DUSP15: variants seen among roughly 807,000 people sequenced by gnomAD.
DUSP15 encodes the protein dual specificity phosphatase 15, also known as dual specificity protein phosphatase 15.
DUSP15 carries 23 observed loss-of-function variants against 26.3 expected under a neutral mutation model. The ratio of observed to expected loss-of-function variants is 0.87; its 90% CI spans 0.63 to 1.24. The LOEUF is 1.24. Among genes scored for constraint, DUSP15 ranks in the 50% most tolerant of loss-of-function variants. DUSP15 has a pLI of 0.00. For synonymous variants in DUSP15, 143 were observed against 135.5 expected (o/e 1.06, Z -0.39); for missense variants, 364 against 320.6 (o/e 1.14, Z -1.03).
At chr20:31,867,454 T>A (rs2062792737) in intron 2 of DUSP15, among the ~76,000 whole-genome samples, 1 of 152,166 alleles carries the variant, frequency 6.6e-6, no homozygotes, top group African/African-American at 2.4e-5. Flanking sequence ...CACAGAAAGC[T>A]GTGTGTGGAG....
At chr20:31,845,598 C>T (rs1237916560), downstream of DUSP15, 3 of 1,588,180 alleles carry the variant, frequency 1.9e-6, no homozygotes, top group Non-Finnish European at 2.6e-6. Flanking sequence ...GCTTCCAGGG[C>T]TGGCGTCCGG....
At chr20:31,864,186 TGA>T (rs2062720367) in intron 4 of DUSP15, 1 of 1,375,688 alleles carries the variant, frequency 7.3e-7, no homozygotes, top group Admixed American at 2.8e-5. Context: ...TTTCAGGCAG[TGA>T]GAGAGACCAG....
In DUSP15 at chr20:31,867,641, T is replaced by TG. The variant is rs2062800752; in HGVS notation, c.56-489_56-488insC. Among the ~76,000 whole-genome samples, 49 of 45,184 alleles carry TG rather than the reference T, an allele frequency of 1.1e-3. 1 individual carries two copies. Among genetic ancestry groups the TG allele is most frequent in the African/African-American group, 3.5e-3 (39 of 11,250 alleles). The allele number at this position is 45,184 out of a possible 152,430, so 29.6% of individuals were successfully genotyped here. ...AATGATGCCCACAATGTTTTTTTTT[T>TG]TTTTTTTTTTTTTTTTTTTTTGAGA... On this transcript the variant is annotated intron_variant, in intron 2 of 6. Transcript: ENST00000339738.
chr20:31,859,022 T>A (rs73903666), downstream of DUSP15, among the ~76,000 whole-genome samples: 2,806 of 152,304 alleles, frequency 0.018, 85 homozygotes, highest in African/African-American at 0.063. Context: ...TTTCCTGCAG[T>A]GTCTCAATTG....
exon 8 of DUSP15, chr20:31,849,738 C>T: frequency 2.6e-6 from 4 of 1,539,838 alleles, no homozygotes; most frequent in Non-Finnish European, 3.5e-6. Flanking sequence ...GGAAGCGAAC[C>T]TGCTGCAACG....
chr20:31,864,290 G>A (rs924453208), intron 4 of DUSP15: 1 of 1,128,816 alleles, frequency 8.9e-7, no homozygotes, highest in East Asian at 6.2e-5. Context: ...AGAAATGGGT[G>A]GGAGGAAACA....
Position 31,861,158 on chromosome 20 carries a change from G to T in DUSP15, c.*245C>A. 1 of 1,317,464 alleles carries T rather than the reference G, an allele frequency of 7.6e-7. No individual in the cohort carries two copies. The highest frequency in any genetic ancestry group is 9.6e-7 in the Non-Finnish European group (1 of 1,038,632). 81.6% of individuals were successfully genotyped at this position (1,317,464 alleles called of 1,614,324 possible). A position where few individuals can be genotyped will look rare whatever the true frequency, so the allele number is the denominator to read the frequency against. On this transcript the variant is annotated 3_prime_UTR_variant, in exon 7 of 7. Transcript: ENST00000339738. ...CTCCCCTCCCGCCGCCTTTAAGGGTGGGCCCCCTCCCCCAGCCCAAGGACT... is the reference window on the plus strand; with the variant it reads ...CTCCCCTCCCGCCGCCTTTAAGGGTTGGCCCCCTCCCCCAGCCCAAGGACT...
At chr20:31,856,529 C>G (rs139474810), downstream of DUSP15, among the ~76,000 whole-genome samples, 4 of 151,970 alleles carry the variant, frequency 2.6e-5, no homozygotes, top group African/African-American at 9.7e-5. Flanking sequence ...GCAGAGGGAC[C>G]GAAGAGACAT....
At chr20:31,862,535 C>T (rs1336039139) in intron 6 of DUSP15, 36 bp downstream of exon 6, 16 of 1,554,770 alleles carry the variant, frequency 1.0e-5, no homozygotes, top group Non-Finnish European at 1.4e-5. Context: ...GGATCTCCCA[C>T]CCCTGGCCCA....
chr20:31,863,250 A>G (rs1055638763), intron 5 of DUSP15, among the ~76,000 whole-genome samples: 13 of 152,156 alleles, frequency 8.5e-5, no homozygotes, highest in African/African-American at 2.2e-4. Flanking sequence ...AAAGATGAAT[A>G]AGGGTTAGTC....
intron 2 of DUSP15, among the ~76,000 whole-genome samples, chr20:31,868,956 C>A (rs900143557): frequency 1.3e-5 from 2 of 152,160 alleles, no homozygotes; most frequent in Non-Finnish European, 2.9e-5. Context: ...CAAAGCTTGC[C>A]GGCTCACCGC....
intron 6 of DUSP15, among the ~76,000 whole-genome samples, chr20:31,851,796 G>A (rs2062474500): frequency 6.6e-6 from 1 of 152,116 alleles, no homozygotes; most frequent in South Asian, 2.1e-4. Context: ...CCACTTCCCA[G>A]GAGCTTCCTT....
downstream of DUSP15, among the ~76,000 whole-genome samples, chr20:31,859,778 C>G (rs557815161): frequency 6.6e-6 from 1 of 152,228 alleles, no homozygotes; most frequent in East Asian, 1.9e-4. Flanking sequence ...GGGAAGACAC[C>G]ATCAGAGGTA....
At chr20:31,861,927 A>C (rs1042626561) in intron 6 of DUSP15, among the ~76,000 whole-genome samples, 1 of 151,632 alleles carries the variant, frequency 6.6e-6, no homozygotes, top group Non-Finnish European at 1.5e-5. Flanking sequence ...GCCAGCTTCC[A>C]GACCTGCTAA....
intron 6 of DUSP15, among the ~76,000 whole-genome samples, chr20:31,854,263 C>G (rs1358915206): frequency 6.6e-6 from 1 of 152,150 alleles, no homozygotes. Flanking sequence ...AACAGAAAAG[C>G]CACAGTTCCT....
At chr20:31,869,540 C>T (rs2062866068) in intron 2 of DUSP15, 24 bp downstream of exon 2, 5 of 1,608,742 alleles carry the variant, frequency 3.1e-6, no homozygotes, top group Non-Finnish European at 4.2e-6. Context: ...GCCATGGCCT[C>T]GGGACAGAGT....
At chr20:31,846,073 T>TACAG, downstream of DUSP15, among the ~76,000 whole-genome samples, 1 of 148,160 alleles carries the variant, frequency 6.7e-6, no homozygotes, top group African/African-American at 2.5e-5. Flanking sequence ...GACATACACG[T>TACAG]ACAGACACAC....
chr20:31,848,622 C>A, intron 9 of DUSP15: 1 of 1,495,228 alleles, frequency 6.7e-7, no homozygotes, highest in Non-Finnish European at 8.9e-7. Context: ...CTCGGATGTT[C>A]CCATGGGAAG....
downstream of DUSP15, among the ~76,000 whole-genome samples, chr20:31,857,990 C>CT (rs1269221366): frequency 4.6e-5 from 7 of 152,278 alleles, no homozygotes; most frequent in East Asian, 1.4e-3. Flanking sequence ...AAGAAAGTGT[C>CT]TGAGAGTCCC....
Sources: gnomAD v4.1 joint callset for allele counts (sites outside exome capture counted in the v4.1 genomes callset) on GRCh38, gnomAD v4.1.1 for gene constraint, MANE v1.5 for transcripts, NCBI Gene and HGNC (gene_info 2026-07-23, HGNC 2026-07-21) for gene names.